SNX29: variants seen among roughly 807,000 people sequenced by gnomAD.
SNX29 encodes sorting nexin-29.
Under a neutral mutation model 102.1 loss-of-function variants are expected in SNX29, and 78 were observed. The ratio of observed to expected loss-of-function variants is 0.76; its 90% CI spans 0.64 to 0.92. SNX29 has a LOEUF of 0.92. SNX29 is among the 40% of genes least tolerant of loss of function. The pLI, the probability that SNX29 is intolerant of heterozygous loss-of-function variation, is 0.00. For missense variants in SNX29, 1,280 were observed against 1,061.7 expected, an observed-to-expected ratio of 1.21 and a Z score of -2.86; for synonymous variants, 580 against 414.5, an observed-to-expected ratio of 1.40 and a Z score of -4.85.
intron 18 of SNX29, among the ~76,000 whole-genome samples, chr16:12,457,931 C>T (rs565436052): frequency 1.3e-5 from 2 of 152,172 alleles, no homozygotes; most frequent in African/African-American, 4.8e-5. Flanking sequence ...TCTCTTTAAA[C>T]ATACATTAGA....
chr16:12,463,955 T>C (rs776037170), intron 18 of SNX29, among the ~76,000 whole-genome samples: 11 of 151,898 alleles, frequency 7.2e-5, no homozygotes, highest in Admixed American at 3.9e-4. Context: ...TCCACAGAAC[T>C]TATCTTCTAA....
intron 15 of SNX29, among the ~76,000 whole-genome samples, chr16:12,301,293 G>A (rs1011731561): frequency 4.6e-5 from 7 of 152,076 alleles, no homozygotes; most frequent in Admixed American, 6.6e-5. Context: ...TTCCAAATCC[G>A]CCCACGCTCT....
intron 20 of SNX29, among the ~76,000 whole-genome samples, chr16:12,565,489 C>T (rs1035067558): frequency 1.3e-5 from 2 of 152,228 alleles, no homozygotes; most frequent in Non-Finnish European, 2.9e-5. Context: ...GCACCCCTGC[C>T]TCCAAGCCTG....
intron 14 of SNX29, among the ~76,000 whole-genome samples, chr16:12,271,440 T>C (rs1036041764): frequency 6.6e-6 from 1 of 152,198 alleles, no homozygotes; most frequent in Admixed American, 6.5e-5. Context: ...TATAACTTAA[T>C]CTCAGTGGTG....
chr16:12,173,245 G>A (rs2076188516), intron 13 of SNX29, among the ~76,000 whole-genome samples: 1 of 152,214 alleles, frequency 6.6e-6, no homozygotes, highest in Admixed American at 6.5e-5. Context: ...CCAACAGGCG[G>A]TTCCAACAGC....
At chr16:12,289,043 T>C (rs1331389832) in intron 15 of SNX29, among the ~76,000 whole-genome samples, 1 of 152,200 alleles carries the variant, frequency 6.6e-6, no homozygotes, top group Non-Finnish European at 1.5e-5. Context: ...ACAAACATGC[T>C]GGCTATTAGC....
intron 15 of SNX29, among the ~76,000 whole-genome samples, chr16:12,332,161 A>G (rs2081308832): frequency 1.3e-5 from 2 of 152,154 alleles, no homozygotes; most frequent in South Asian, 2.1e-4. Flanking sequence ...TCCTCATCCT[A>G]GAAGAAAATT....
chr16:12,455,277 C>T (rs1311871791), intron 18 of SNX29, among the ~76,000 whole-genome samples: 1 of 152,176 alleles, frequency 6.6e-6, no homozygotes, highest in East Asian at 1.9e-4. Context: ...GTTTCTAAAG[C>T]CCCCACACCT....
Position 12,569,744 on chromosome 16 carries a change from C to T in SNX29, c.*1115C>T, listed in dbSNP as rs910851057. 11 of 230,704 alleles carry T rather than the reference C, an allele frequency of 4.8e-5. No individual in the cohort carries two copies. In the Admixed American group the frequency reaches 5.1e-4, roughly 11 times the overall value. The allele number at this position is 230,704 out of a possible 1,614,324, so 14.3% of individuals were successfully genotyped here. A position where few individuals can be genotyped will look rare whatever the true frequency, so the allele number is the denominator to read the frequency against. On this transcript the variant is annotated 3_prime_UTR_variant, in exon 21 of 21. Coordinates refer to ENST00000566228, the MANE Select transcript of SNX29 (RefSeq NM_032167.5). ...CAGCTGGGCAGCCCCCAGGGCTCCTCCTCCAGTGAGCTCACATCAGAGCAC... is the reference window on the plus strand; with the variant it reads ...CAGCTGGGCAGCCCCCAGGGCTCCTTCTCCAGTGAGCTCACATCAGAGCAC...
At chr16:12,555,164 G>A (rs539208879) in intron 20 of SNX29, among the ~76,000 whole-genome samples, 1 of 151,870 alleles carries the variant, frequency 6.6e-6, no homozygotes, top group South Asian at 2.1e-4. Flanking sequence ...ACAGGGTCTG[G>A]CATCAGTGGG....
chr16:12,093,255 T>C (rs531511900), intron 11 of SNX29, among the ~76,000 whole-genome samples: 1 of 152,282 alleles, frequency 6.6e-6, no homozygotes, highest in African/African-American at 2.4e-5. Context: ...TCACGGCAAG[T>C]TGAGAAGCAA....
chr16:12,130,686 A>T (rs2054426820), intron 13 of SNX29, among the ~76,000 whole-genome samples: 1 of 151,864 alleles, frequency 6.6e-6, no homozygotes, highest in Non-Finnish European at 1.5e-5. Context: ...CCCTGTACAC[A>T]CAAGCAGATA....
intron 20 of SNX29, among the ~76,000 whole-genome samples, chr16:12,567,324 C>T (rs76784601): frequency 0.017 from 2,567 of 152,198 alleles, 67 homozygotes; most frequent in African/African-American, 0.057. Flanking sequence ...GTGCTGCGGA[C>T]GCAGGAGTGG....
chr16:12,085,130 GC>G (rs936693655), intron 11 of SNX29, among the ~76,000 whole-genome samples: 1 of 151,940 alleles, frequency 6.6e-6, no homozygotes, highest in African/African-American at 2.4e-5. Context: ...TCCCCTCTGG[GC>G]CCTTTCCCCT....
intron 20 of SNX29, among the ~76,000 whole-genome samples, chr16:12,530,946 C>G (rs986904581): frequency 6.6e-6 from 1 of 152,216 alleles, no homozygotes; most frequent in African/African-American, 2.4e-5. Flanking sequence ...TTCACCCTTG[C>G]TCTACTTGAA....
At chr16:12,224,125 T>G (rs2077547746) in intron 14 of SNX29, among the ~76,000 whole-genome samples, 1 of 152,184 alleles carries the variant, frequency 6.6e-6, no homozygotes, top group Non-Finnish European at 1.5e-5. Context: ...TTTCCTTTTG[T>G]TTCTTTCTCA....
intron 20 of SNX29, among the ~76,000 whole-genome samples, chr16:12,554,093 C>T (rs554464037): frequency 2.8e-4 from 42 of 152,354 alleles, no homozygotes; most frequent in Admixed American, 2.3e-3. Context: ...CCCAAAAGCA[C>T]TTGGGATTAC....
At chr16:12,231,086 A>G (rs1482807054) in intron 14 of SNX29, among the ~76,000 whole-genome samples, 2 of 152,150 alleles carry the variant, frequency 1.3e-5, no homozygotes, top group East Asian at 3.9e-4. Flanking sequence ...CTCCTGACCT[A>G]AGGTGATCCT....
intron 14 of SNX29, among the ~76,000 whole-genome samples, chr16:12,204,769 T>C (rs2077003728): frequency 6.6e-6 from 1 of 152,254 alleles, no homozygotes; most frequent in African/African-American, 2.4e-5. Context: ...TGCTGCTGTG[T>C]GATGTGCTCA....
Sources: gnomAD v4.1 joint callset for allele counts (sites outside exome capture counted in the v4.1 genomes callset) on GRCh38, gnomAD v4.1.1 for gene constraint, MANE v1.5 for transcripts, NCBI Gene and HGNC (gene_info 2026-07-23, HGNC 2026-07-21) for gene names.